Variants in CALN1 observed in about 807,000 individuals in gnomAD.
CALN1 encodes calneuron 1.
A neutral mutation model predicts 30.6 loss-of-function variants in CALN1; 17 were observed. That is an observed-to-expected ratio of 0.56 (90% CI 0.38 to 0.83). The LOEUF is 0.83. Ranked by LOEUF, CALN1 falls within the 40% of genes least tolerant of loss-of-function variation. CALN1 has a pLI of 0.00. For synonymous variants in CALN1, 156 were observed against 131.4 expected (o/e 1.19, Z -1.28); for missense variants, 291 against 354.9 (o/e 0.82, Z 1.45).
At chr7:71,850,308 C>A (rs796176717) in intron 5 of CALN1, among the ~76,000 whole-genome samples, 16 of 152,232 alleles carry the variant, frequency 1.1e-4, no homozygotes, top group African/African-American at 3.9e-4. Flanking sequence ...CTCCGCCTCC[C>A]GGGTTCAAGC....
chr7:71,872,420 T>C (rs1056213881), intron 5 of CALN1, among the ~76,000 whole-genome samples: 2 of 152,196 alleles, frequency 1.3e-5, no homozygotes, highest in African/African-American at 4.8e-5. Flanking sequence ...ATGTATTGTT[T>C]CCTTGCAATT....
intron 5 of CALN1, among the ~76,000 whole-genome samples, chr7:71,930,303 TTTGCG>T (rs1443489316): frequency 1.3e-5 from 2 of 152,208 alleles, no homozygotes; most frequent in Non-Finnish European, 2.9e-5. Flanking sequence ...ATGGCTTTGA[TTTGCG>T]TTTCCTTAAA....
At chr7:72,105,813 A>AGGG (rs1465257406) in intron 4 of CALN1, among the ~76,000 whole-genome samples, 4 of 66,906 alleles carry the variant, frequency 6.0e-5, no homozygotes, top group East Asian at 5.8e-4. Context: ...GAGGAGGAGG[A>AGGG]GGGGGAGGGA....
chr7:72,077,433 C>T (rs1182780982), intron 4 of CALN1, among the ~76,000 whole-genome samples: 1 of 152,058 alleles, frequency 6.6e-6, no homozygotes, highest in Non-Finnish European at 1.5e-5. Flanking sequence ...ACCATCACGC[C>T]CAGCTAATTT....
the CALN1 span, among the ~76,000 whole-genome samples, chr7:72,456,477 G>C: frequency 6.6e-6 from 1 of 152,164 alleles, no homozygotes; most frequent in South Asian, 2.1e-4. Flanking sequence ...GTTCAAGACT[G>C]CAGTGAACTA....
At chr7:71,809,602 A>G (rs1000974512) in intron 6 of CALN1, among the ~76,000 whole-genome samples, 2 of 152,000 alleles carry the variant, frequency 1.3e-5, no homozygotes, top group African/African-American at 4.8e-5. Context: ...CAACAGGGCT[A>G]TTAAAACCAC....
rs1197321691 is a variant in CALN1, at chr7:72,054,492, CATATATACAT to C, written c.389-30733_389-30724del. Reference sequence around the variant, plus strand: ...ACATATATACATACATATATATATACATATATACATATATATACATATATATACATATATA... The same window carrying C: ...ACATATATACATACATATATATATACATATATACATATATATACATATATA... On this transcript the variant is annotated intron_variant, in intron 4 of 6. Coordinates refer to ENST00000395275, the MANE Select transcript of CALN1 (RefSeq NM_031468.4). Among the ~76,000 whole-genome samples, 277 of 96,200 alleles carry C rather than the reference CATATATACAT, an allele frequency of 2.9e-3. 8 individuals are homozygous for C. The highest frequency in any genetic ancestry group is 4.3e-3 in the Non-Finnish European group (194 of 44,870). 63.1% of individuals were successfully genotyped at this position (96,200 alleles called of 152,430 possible).
rs780901047 is a variant in CALN1 at position 72,278,705 on chromosome 7, G to C, written c.225C>G (p.Ile75Met). The C allele has an allele frequency of 6.2e-7, 1 of 1,613,816 alleles. No individual in the cohort carries two copies. Among genetic ancestry groups the C allele is most frequent in the East Asian group, 2.2e-5 (1 of 44,868 alleles). ...CCTTACCATCGAGCTCCTCCACGGA[G>C]ATATTAGCCAGCTGTTCGCTGTCAC... ...AGSDSEQLAN[I>M]SVEELDEIRE... The change falls in exon 3 of 7, where the codon ATC becomes ATG. Residue 75 changes from isoleucine to methionine, a missense_variant. This residue lies in a region of CALN1 where 122 missense variants were observed against 103.2 expected (regional missense o/e 1.18). Coordinates refer to ENST00000395275, the MANE Select transcript of CALN1 (RefSeq NM_031468.4).
At chr7:71,836,970 G>A (rs957468446) in intron 5 of CALN1, among the ~76,000 whole-genome samples, 1 of 149,020 alleles carries the variant, frequency 6.7e-6, no homozygotes, top group East Asian at 2.1e-4. Flanking sequence ...GGTGGCTCCT[G>A]CCTGTAATCC....
chr7:72,033,257 T>G (rs181373008), intron 4 of CALN1, among the ~76,000 whole-genome samples: 5 of 152,176 alleles, frequency 3.3e-5, no homozygotes, highest in Non-Finnish European at 5.9e-5. Flanking sequence ...CCAGCCAAAA[T>G]TCTCATAAGG....
chr7:72,331,718 G>T (rs530605785), intron 2 of CALN1, among the ~76,000 whole-genome samples: 27 of 152,028 alleles, frequency 1.8e-4, no homozygotes, highest in African/African-American at 3.9e-4. Flanking sequence ...CTTAAGTTCA[G>T]AGGTACATGT....
chr7:71,992,653 C>T (rs1490497897), intron 5 of CALN1, among the ~76,000 whole-genome samples: 1 of 152,232 alleles, frequency 6.6e-6, no homozygotes, highest in African/African-American at 2.4e-5. Flanking sequence ...CCATCGCACC[C>T]AGCAAAGACC....
intron 3 of CALN1, among the ~76,000 whole-genome samples, chr7:72,186,885 C>CTTTTTT (rs34604151): frequency 1.6e-5 from 1 of 61,296 alleles, no homozygotes; most frequent in African/African-American, 6.0e-5. Flanking sequence ...GAGTGCAGAG[C>CTTTTTT]TTTTTTTTTT....
the CALN1 span, among the ~76,000 whole-genome samples, chr7:72,501,068 T>C: frequency 6.6e-6 from 1 of 152,162 alleles, no homozygotes; most frequent in Non-Finnish European, 1.5e-5. Flanking sequence ...AAGACAATTC[T>C]GTCTCTCCTC....
chr7:72,200,791 AC>A (rs1302662693), intron 3 of CALN1, among the ~76,000 whole-genome samples: 1 of 152,222 alleles, frequency 6.6e-6, no homozygotes, highest in East Asian at 1.9e-4. Context: ...TGGGAAAAGA[AC>A]AGGATGTCAC....
chr7:72,335,683 G>A (rs1017981977), intron 2 of CALN1, among the ~76,000 whole-genome samples: 1 of 152,224 alleles, frequency 6.6e-6, no homozygotes, highest in African/African-American at 2.4e-5. Context: ...GGAGCTACGG[G>A]CTTCGACCCA....
chr7:71,938,492 G>A (rs893645305), intron 5 of CALN1, among the ~76,000 whole-genome samples: 1 of 151,940 alleles, frequency 6.6e-6, no homozygotes, highest in South Asian at 2.1e-4. Flanking sequence ...GAACTGAGAG[G>A]AGCATTATAA....
chr7:72,238,108 T>C (rs10273469), intron 3 of CALN1, among the ~76,000 whole-genome samples: 81,565 of 152,038 alleles, frequency 0.54, 22,087 homozygotes, highest in South Asian at 0.65. Context: ...GCTAATTGTT[T>C]AGGGTCTGCA....
At chr7:72,014,126 G>T (rs1018938707) in intron 5 of CALN1, among the ~76,000 whole-genome samples, 1 of 128,952 alleles carries the variant, frequency 7.8e-6, no homozygotes, top group Non-Finnish European at 1.6e-5. Flanking sequence ...TCACTCTATT[G>T]CCTAGGCTGG....
Sources: allele counts gnomAD v4.1 joint callset (sites outside exome capture counted in the v4.1 genomes callset), GRCh38; gene constraint gnomAD v4.1.1; regional missense constraint gnomAD v4.1.1; transcripts MANE v1.5; gene names NCBI Gene and HGNC (gene_info 2026-07-23, HGNC 2026-07-21).